The following LUZP2 variants were observed in gnomAD, a reference collection of about 807,000 sequenced individuals.
LUZP2 encodes the protein leucine zipper protein 2.
A neutral mutation model predicts 51.6 loss-of-function variants in LUZP2; 52 were observed. The observed-to-expected ratio is 1.01, with a 90% CI of 0.81 to 1.27. LUZP2 has a LOEUF of 1.27. LUZP2 is among the 50% of genes most tolerant of loss of function. The pLI is 0.00. For missense variants in LUZP2, 436 were observed against 395.4 expected (o/e 1.10, Z -0.87); for synonymous variants, 154 against 137.3 (o/e 1.12, Z -0.85).
intron 10 of LUZP2, among the ~76,000 whole-genome samples, chr11:25,068,140 GAAC>G (rs1315104625): frequency 1.3e-5 from 2 of 151,926 alleles, no homozygotes; most frequent in African/African-American, 4.8e-5. Flanking sequence ...ACAGGGAGGG[GAAC>G]ATCACACACT....
intron 1 of LUZP2, among the ~76,000 whole-genome samples, chr11:24,707,963 A>G (rs1857659262): frequency 6.6e-6 from 1 of 152,112 alleles, no homozygotes; most frequent in Admixed American, 6.5e-5. Flanking sequence ...CCCATTGGCT[A>G]GGGTTAGACC....
chr11:24,704,205 CA>C (rs1218739125), intron 1 of LUZP2, among the ~76,000 whole-genome samples: 2 of 152,002 alleles, frequency 1.3e-5, no homozygotes, highest in African/African-American at 4.8e-5. Context: ...GGGAAAGGGA[CA>C]ACACAGGAAG....
At chr11:25,076,909 G>C (rs983237045) in intron 10 of LUZP2, among the ~76,000 whole-genome samples, 3 of 152,034 alleles carry the variant, frequency 2.0e-5, no homozygotes, top group African/African-American at 7.2e-5. Flanking sequence ...AAGACAGATT[G>C]GTGGTCACAT....
chr11:25,054,486 G>T (rs1230172317), intron 10 of LUZP2, among the ~76,000 whole-genome samples: 2 of 151,742 alleles, frequency 1.3e-5, no homozygotes, highest in Non-Finnish European at 2.9e-5. Context: ...TCAATTTTTT[G>T]TGTGTGTCTG....
chr11:25,013,038 G>A (rs947791665), intron 9 of LUZP2, among the ~76,000 whole-genome samples: 3 of 152,078 alleles, frequency 2.0e-5, no homozygotes, highest in Non-Finnish European at 4.4e-5. Flanking sequence ...ATACTCCACA[G>A]GTATAAACAA....
intron 5 of LUZP2, among the ~76,000 whole-genome samples, chr11:24,801,986 A>AT (rs1172171217): frequency 1.3e-5 from 2 of 151,842 alleles, no homozygotes; most frequent in African/African-American, 4.8e-5. Context: ...ATGTTTAATG[A>AT]TTTTCTGAAA....
intron 9 of LUZP2, among the ~76,000 whole-genome samples, chr11:25,022,565 A>G (rs953809691): frequency 3.3e-5 from 5 of 152,110 alleles, no homozygotes; most frequent in Non-Finnish European, 7.4e-5. Flanking sequence ...CACCAAAAAA[A>G]TCTGTAATTT....
intron 1 of LUZP2, among the ~76,000 whole-genome samples, chr11:24,519,263 T>C (rs1397077877): frequency 6.6e-6 from 1 of 152,140 alleles, no homozygotes; most frequent in African/African-American, 2.4e-5. Flanking sequence ...ATATAAGGAC[T>C]GTTAACAGTA....
chr11:24,992,215 A>G (rs938002623), intron 9 of LUZP2, among the ~76,000 whole-genome samples: 9 of 152,142 alleles, frequency 5.9e-5, no homozygotes, highest in African/African-American at 2.2e-4. Context: ...ATACTCCAAA[A>G]ACAGGCTGTA....
chr11:24,924,284 G>A (rs1854162947), intron 7 of LUZP2, among the ~76,000 whole-genome samples: 1 of 151,886 alleles, frequency 6.6e-6, no homozygotes, highest in Non-Finnish European at 1.5e-5. Context: ...CACCATGTTG[G>A]CAAGGATGGT....
chr11:24,684,876 A>T (rs149957698), intron 1 of LUZP2, among the ~76,000 whole-genome samples: 1 of 152,158 alleles, frequency 6.6e-6, no homozygotes, highest in African/African-American at 2.4e-5. Context: ...AACATAAAGC[A>T]ATAGTTATTC....
chr11:24,948,900 G>C (rs1854986779), intron 7 of LUZP2, among the ~76,000 whole-genome samples: 1 of 151,230 alleles, frequency 6.6e-6, no homozygotes, highest in Admixed American at 6.6e-5. Flanking sequence ...TACTTAGATA[G>C]ATAGATCAGC....
At chr11:24,937,131 G>A (rs537788021) in intron 7 of LUZP2, among the ~76,000 whole-genome samples, 1 of 152,168 alleles carries the variant, frequency 6.6e-6, no homozygotes, top group East Asian at 1.9e-4. Flanking sequence ...TGCTTCAAGG[G>A]ACAAAGAAAA....
chr11:24,757,637 C>T (rs1322578453), intron 4 of LUZP2, among the ~76,000 whole-genome samples: 1 of 151,418 alleles, frequency 6.6e-6, no homozygotes, highest in Non-Finnish European at 1.5e-5. Flanking sequence ...ATGAAAGAAA[C>T]AAAAATCCCC....
At chr11:24,922,633 T>C (rs1011679023) in intron 7 of LUZP2, among the ~76,000 whole-genome samples, 2 of 152,060 alleles carry the variant, frequency 1.3e-5, no homozygotes, top group Non-Finnish European at 2.9e-5. Flanking sequence ...GTGTGAGGGG[T>C]TAACAATATT....
intron 5 of LUZP2, among the ~76,000 whole-genome samples, chr11:24,818,217 G>A (rs1242053001): frequency 6.6e-6 from 1 of 152,058 alleles, no homozygotes; most frequent in Admixed American, 6.6e-5. Flanking sequence ...CTTTTAGGTA[G>A]ATAATGTTTA....
intron 5 of LUZP2, among the ~76,000 whole-genome samples, chr11:24,801,436 A>C (rs974031): frequency 2.0e-5 from 3 of 152,004 alleles, no homozygotes; most frequent in African/African-American, 7.2e-5. Flanking sequence ...AATCGTGTTA[A>C]CCATTTGAAA....
chr11:24,874,928 A>T (rs1263824506), intron 5 of LUZP2, among the ~76,000 whole-genome samples: 1 of 152,150 alleles, frequency 6.6e-6, no homozygotes, highest in Non-Finnish European at 1.5e-5. Flanking sequence ...TTCTAAAAAT[A>T]TATTTTACTT....
chr11:24,728,993 T>C (rs1858602963), intron 1 of LUZP2, 176 bp from the exon 2 acceptor site: 1 of 392,184 alleles, frequency 2.5e-6, no homozygotes, highest in African/African-American at 2.1e-5. Context: ...GAAACTTTTG[T>C]TATAAAATGG....
Sources: gnomAD v4.1 joint callset for allele counts (sites outside exome capture counted in the v4.1 genomes callset) on GRCh38, gnomAD v4.1.1 for gene constraint, MANE v1.5 for transcripts, NCBI Gene and HGNC (gene_info 2026-07-23, HGNC 2026-07-21) for gene names.